Variants in ZXDC observed in about 807,000 individuals in gnomAD.
ZXDC encodes ZXD family zinc finger C, also known as zinc finger protein ZXDC.
Under a neutral mutation model 63.6 loss-of-function variants are expected in ZXDC, and 58 were observed. That is an observed-to-expected ratio of 0.91 (90% CI 0.74 to 1.13). The LOEUF (loss-of-function observed/expected upper bound fraction) is 1.13, where lower values mean the gene tolerates loss of function less well. Among genes scored for constraint, ZXDC ranks in the 50% most tolerant of loss-of-function variants. The probability of loss-of-function intolerance (pLI) is 0.00; values close to 1 mark genes in which losing one functional copy is unlikely to be tolerated. For synonymous variants in ZXDC, 561 were observed against 496.1 expected (o/e 1.13, Z -1.74); for missense variants, 1,133 against 1,148.9 (o/e 0.99, Z 0.20).
chr3:126,465,868 T>G (rs765995166), intron 5 of ZXDC, among the ~76,000 whole-genome samples: 2 of 152,194 alleles, frequency 1.3e-5, no homozygotes, highest in South Asian at 4.1e-4. Context: ...GGAGGATCAC[T>G]TGAGCAGGAG....
chr3:126,457,778 T>G, intron 7 of ZXDC: 1 of 502,422 alleles, frequency 2.0e-6, no homozygotes, highest in Non-Finnish European at 2.6e-6. Flanking sequence ...GTGGATCCAG[T>G]ATCTGGTCAC....
chr3:126,450,703 G>A (rs763252365), intron 7 of ZXDC: 26 of 353,726 alleles, frequency 7.4e-5, no homozygotes, highest in Non-Finnish European at 1.5e-4. Flanking sequence ...AGAAAGGGGA[G>A]AAAACTTGGA....
chr3:126,462,775 T>G (rs942154487), intron 5 of ZXDC, among the ~76,000 whole-genome samples: 2 of 152,164 alleles, frequency 1.3e-5, no homozygotes, highest in African/African-American at 4.8e-5. Flanking sequence ...CAAAACCGAC[T>G]GGAGCCATAT....
intron 6 of ZXDC, chr3:126,460,995 T>C (rs1398037819): frequency 4.1e-6 from 4 of 976,214 alleles, no homozygotes; most frequent in Non-Finnish European, 4.9e-6. Flanking sequence ...AAATGTATAA[T>C]TGATATAAAG....
chr3:126,446,829 A>T (rs1259492003), intron 7 of ZXDC, among the ~76,000 whole-genome samples: 1 of 152,206 alleles, frequency 6.6e-6, no homozygotes. Flanking sequence ...TTCAAAAACA[A>T]GTCATTTGTG....
chr3:126,454,569 A>G (rs1219443264), intron 7 of ZXDC: 1 of 985,304 alleles, frequency 1.0e-6, no homozygotes, highest in African/African-American at 1.7e-5. Context: ...CACAGCGGAG[A>G]GTGTGCTTCC....
At chr3:126,472,332 T>C in intron 1 of ZXDC, 27 bp from the exon 2 acceptor site, 1 of 1,593,398 alleles carries the variant, frequency 6.3e-7, no homozygotes, top group Non-Finnish European at 8.6e-7. Context: ...CAAACCCTGC[T>C]CAAAGCGTGG....
In ZXDC at chr3:126,474,966, G is replaced by C; in HGVS notation, c.900C>G (p.Asp300Glu). 1 of 1,575,976 alleles carries C rather than the reference G, an allele frequency of 6.3e-7. No homozygotes were observed. Among genetic ancestry groups the C allele is most frequent in the South Asian group, 1.2e-5 (1 of 86,462 alleles). Residue 300 changes from aspartate (D) to glutamate (E), a missense_variant, in exon 1 of 10, where the codon GAC becomes GAG. Transcript: ENST00000389709. ...HFEPERPYKCDFPGCEKTFIT... is the reference protein window; with the variant it reads ...HFEPERPYKCEFPGCEKTFIT... Reference sequence around the variant, plus strand: ...CCCCGAGAGCGCGGTTACCGGGAAAGTCACACTTGTAAGGGCGCTCGGGCT... The same window carrying C: ...CCCCGAGAGCGCGGTTACCGGGAAACTCACACTTGTAAGGGCGCTCGGGCT...
chr3:126,441,864 C>A lies in ZXDC; in HGVS notation c.2295G>T (p.Leu765Phe). ...PHFHASQNSW[L>F]CGSLVVPSGG... ...CGCTGGGCACCACGAGGCTCCCACA[C>A]AACCAACTGTTCTGGCTTGCATGGA... Residue 765 changes from leucine to phenylalanine, a missense_variant, in exon 8 of 10, where the codon TTG becomes TTT. By Grantham distance (22) the Leu-to-Phe change is conservative. Transcript: ENST00000389709. 1 of 1,613,990 alleles carries A rather than the reference C, an allele frequency of 6.2e-7. No homozygotes were observed. The highest frequency in any genetic ancestry group is 1.1e-5 in the South Asian group (1 of 91,036).
At chr3:126,471,106 A>C in intron 3 of ZXDC, 81 bp from the exon 4 acceptor site, 1 of 1,522,578 alleles carries the variant, frequency 6.6e-7, no homozygotes, top group Non-Finnish European at 8.9e-7. Flanking sequence ...AACATACCAA[A>C]ACACAAACTT....
intron 8 of ZXDC, chr3:126,440,769 AC>A: frequency 1.0e-6 from 1 of 985,600 alleles, no homozygotes; most frequent in Non-Finnish European, 1.2e-6. Flanking sequence ...GCACAGGGCC[AC>A]CCCCAGCTGC....
At chr3:126,459,113 T>C in intron 7 of ZXDC, 1 of 985,448 alleles carries the variant, frequency 1.0e-6, no homozygotes, top group Non-Finnish European at 1.2e-6. Flanking sequence ...ACTATTCCAT[T>C]TTTAGGAAGG....
intron 7 of ZXDC, chr3:126,453,588 T>G: frequency 2.0e-6 from 2 of 985,486 alleles, no homozygotes; most frequent in Non-Finnish European, 2.4e-6. Context: ...TCTATTACCA[T>G]TTCACAAAGG....
chr3:126,475,079 C>A lies in ZXDC; in HGVS notation c.787G>T (p.Glu263Ter). ...TCGCACTTGAACAGGCTCTCCTGCT[C>A]GTGGCCCTTCATGTGCGCCTTGAGG... ...YNLKAHMKGH[E>*]QESLFKCEVC... The change falls in exon 1 of 10, where the codon GAG becomes TAG. Residue 263 changes from glutamate to a stop codon, truncating the protein, a stop_gained. Transcript: ENST00000389709. LOFTEE classifies it high-confidence loss of function. The A allele has an allele frequency of 6.2e-7, 1 of 1,607,690 alleles. No individual in the cohort carries two copies. The highest frequency in any genetic ancestry group is 8.5e-7 in the Non-Finnish European group (1 of 1,177,112).
intron 7 of ZXDC, among the ~76,000 whole-genome samples, chr3:126,443,631 G>T (rs1933764305): frequency 6.6e-6 from 1 of 152,092 alleles, no homozygotes; most frequent in African/African-American, 2.4e-5. Flanking sequence ...AAAGTCAACT[G>T]CAAAAAATGA....
At chr3:126,453,122 T>G in intron 7 of ZXDC, 1 of 985,462 alleles carries the variant, frequency 1.0e-6, no homozygotes, top group Non-Finnish European at 1.2e-6. Flanking sequence ...GGGGGAGAAC[T>G]GAGGAACTAT....
intron 7 of ZXDC, chr3:126,459,352 C>T: frequency 1.0e-6 from 1 of 985,470 alleles, no homozygotes; most frequent in Non-Finnish European, 1.2e-6. Flanking sequence ...GCTTTCCTGA[C>T]AACTGGCCTG....
rs371475084 is a variant in ZXDC at position 126,441,755 on chromosome 3, C to A, written c.2394+10G>T. ...CCTACAGCTGGCCTGTGTGACTGGC[C>A]AGCTCTCACCTGCACCAGCTGGACC... On this transcript the variant is annotated intron_variant, in intron 8 of 9. Transcript: ENST00000389709. 119 of 1,576,508 alleles carry A rather than the reference C, an allele frequency of 7.5e-5. No homozygotes were observed. The African/African-American group carries it at 1.4e-3, about 18-fold the overall frequency.
chr3:126,441,801 C>T lies in ZXDC; in HGVS notation c.2358G>A (p.Gln786=), dbSNP rs755217629. The T allele has an allele frequency of 6.2e-7, 1 of 1,612,340 alleles. No individual in the cohort carries two copies. Among genetic ancestry groups the T allele is most frequent in the South Asian group, 1.1e-5 (1 of 90,844 alleles). Residue 786 remains glutamine, a synonymous_variant, in exon 8 of 10, where the codon CAG becomes CAA. Coordinates refer to ENST00000389709, the MANE Select transcript of ZXDC (RefSeq NM_025112.5). ...GGACCTGGACGCCCTGCGCCCCGCACTGCACCCCAGCTGCTGGAGCTGGTC... is the reference window on the plus strand; with the variant it reads ...GGACCTGGACGCCCTGCGCCCCGCATTGCACCCCAGCTGCTGGAGCTGGTC... ...RPGPAPAAGV[Q]CGAQGVQVQL...
Sources: gnomAD v4.1 joint callset for allele counts (sites outside exome capture counted in the v4.1 genomes callset) on GRCh38, gnomAD v4.1.1 for gene constraint, MANE v1.5 for transcripts, NCBI Gene and HGNC (gene_info 2026-07-23, HGNC 2026-07-21) for gene names.